Variants in RNF213 observed in about 807,000 individuals in gnomAD.
RNF213 encodes the protein ring finger protein 213.
Under a neutral mutation model 514.4 loss-of-function variants are expected in RNF213, and 341 were observed. The observed-to-expected ratio is 0.66, with a 90% CI of 0.61 to 0.73. The LOEUF is 0.73. Among genes scored for constraint, RNF213 ranks in the 30% least tolerant of loss-of-function variants. The pLI, the probability that RNF213 is intolerant of heterozygous loss-of-function variation, is 0.00. For synonymous variants in RNF213, 2,655 were observed against 2,658.2 expected, an observed-to-expected ratio of 1.00 and a Z score of 0.04; for missense variants, 5,767 against 6,615.6, an observed-to-expected ratio of 0.87 and a Z score of 4.45.
intron 36 of RNF213, 116 bp downstream of exon 36, chr17:80,354,692 C>A (rs59640970): frequency 1.5e-6 from 2 of 1,319,234 alleles, no homozygotes; most frequent in Non-Finnish European, 2.1e-6. Context: ...CTTTCCAAAC[C>A]TCTCAGCCAT....
chr17:80,319,201 C>T lies in RNF213; in HGVS notation c.2913C>T (p.Leu971=). The change falls in exon 17 of 68, where the codon CTC becomes CTT. Residue 971 remains leucine, a synonymous_variant. Transcript: ENST00000582970. ...TTTGATTTTTGCAGGAGGAACCCCT[C>T]TCCCAGATCACTGCCTACTGCAATA... is the stretch of plus-strand genomic sequence containing the variant. The part of the protein sequence containing the change: ...MEWRLTKEEP[L]SQITAYCNSC... 1 of 1,614,228 alleles carries T rather than the reference C, an allele frequency of 6.2e-7. No homozygotes were observed. The highest frequency in any genetic ancestry group is 8.5e-7 in the Non-Finnish European group (1 of 1,180,048).
chr17:80,391,271 G>A (rs572948124), intron 67 of RNF213, among the ~76,000 whole-genome samples: 16 of 151,990 alleles, frequency 1.1e-4, no homozygotes, highest in African/African-American at 3.6e-4. Flanking sequence ...CCTCTGAATT[G>A]CCTTTATGTT....
Position 80,394,697 on chromosome 17 carries a change from T to TC in RNF213, c.*1201dup, listed in dbSNP as rs2080611046. On this transcript the variant is annotated 3_prime_UTR_variant, in exon 68 of 68. Transcript: ENST00000582970. ...GAACTACAAAAATACAAAATGCTTG[T>TC]CCAGGACTCAGCCATGCACACCTTG... is the stretch of plus-strand genomic sequence containing the variant. 1 of 152,176 alleles carries TC rather than the reference T, an allele frequency of 6.6e-6. No individual in the cohort carries two copies. The highest frequency in any genetic ancestry group is 1.5e-5 in the Non-Finnish European group (1 of 68,050). 9.4% of individuals were successfully genotyped at this position (152,176 alleles called of 1,614,324 possible).
Position 80,328,374 on chromosome 17 carries a change from A to G in RNF213, c.3414A>G (p.Glu1138=). ...SPQDEQCAVE[E]ALDWRREELL... ...AGGATGAACAATGTGCTGTGGAGGA[A>G]GCACTGGATTGGAGAAGGGAGGAAC... The change falls in exon 20 of 68, where the codon GAA becomes GAG. Residue 1138 remains glutamate (E), a synonymous_variant. Coordinates refer to ENST00000582970, the MANE Select transcript of RNF213 (RefSeq NM_001256071.3). The G allele has an allele frequency of 6.5e-7, 1 of 1,537,246 alleles. No homozygotes were observed. Among genetic ancestry groups the G allele is most frequent in the Non-Finnish European group, 8.7e-7 (1 of 1,146,892 alleles).
rs2079000072 is a variant in RNF213 at position 80,360,103 on chromosome 17, G to C, written c.11097G>C (p.Met3699Ile). ...CCTACATCGTGGTGCAGAACCACATGAACCTTTCCGAGAACGCTTCCAACA... is the reference window on the plus strand; with the variant it reads ...CCTACATCGTGGTGCAGAACCACATCAACCTTTCCGAGAACGCTTCCAACA... Reference protein sequence around the residue: ...EMAYIVVQNHMNLSENASNNV... With the variant: ...EMAYIVVQNHINLSENASNNV... The change falls in exon 38 of 68, where the codon ATG becomes ATC. Residue 3699 changes from methionine (M) to isoleucine (I), a missense_variant. By Grantham distance (10) the Met-to-Ile change is conservative. This residue lies in a region of RNF213 where 919 missense variants were observed against 1,121.0 expected (regional missense o/e 0.82). Transcript: ENST00000582970. The C allele has an allele frequency of 6.2e-7, 1 of 1,614,054 alleles. No individual in the cohort carries two copies. The highest frequency in any genetic ancestry group is 1.3e-5 in the African/African-American group (1 of 74,922).
intron 3 of RNF213, among the ~76,000 whole-genome samples, chr17:80,286,673 G>A (rs539692356): frequency 7.4e-4 from 112 of 152,240 alleles, no homozygotes; most frequent in South Asian, 2.3e-3. Flanking sequence ...CCAGGTATGT[G>A]GGTGCAGGAG....
rs779093631 is a variant in RNF213 at position 80,349,905 on chromosome 17, C to T, written c.10087C>T (p.Arg3363Ter). 13 of 1,613,194 alleles carry T rather than the reference C, an allele frequency of 8.1e-6. No homozygotes were observed. The highest frequency in any genetic ancestry group is 4.4e-5 in the South Asian group (4 of 91,036). The change falls in exon 30 of 68, where the codon CGA becomes TGA. Residue 3363 changes from arginine (R) to a stop codon, truncating the protein, a stop_gained and splice_region_variant. Transcript: ENST00000582970. LOFTEE classifies it high-confidence loss of function. ...DTEYSFLKEV[R>*]NCLTNTAKCK... The stretch of plus-strand genomic sequence containing the variant: ...CGAGTACTCATTCCTCAAAGAAGTC[C>T]GGTGAGGTTCCCTGCCTTCCCTGCT...
rs2143929738 is a variant in RNF213, at chr17:80,327,988, G to A, written c.3366G>A (p.Leu1122=). 4 of 1,537,274 alleles carry A rather than the reference G, an allele frequency of 2.6e-6. No individual in the cohort carries two copies. The highest frequency in any genetic ancestry group is 3.5e-6 in the Non-Finnish European group (4 of 1,146,904). Reference sequence around the variant, plus strand: ...ATCAGTTTCTTGACATCTGGCAACTGAGTAAGCATCGAGTCGATACGCACT... The same window carrying A: ...ATCAGTTTCTTGACATCTGGCAACTAAGTAAGCATCGAGTCGATACGCACT... ...HKNQFLDIWQ[L]REKSLSPQDE... Residue 1122 remains leucine (L), a splice_region_variant and synonymous_variant, in exon 19 of 68, where the codon CTG becomes CTA. Transcript: ENST00000582970.
chr17:80,291,262 ATTT>A (rs57271953), intron 7 of RNF213, among the ~76,000 whole-genome samples: 1 of 137,376 alleles, frequency 7.3e-6, no homozygotes, highest in Non-Finnish European at 1.6e-5. Flanking sequence ...CTTTCTTATA[ATTT>A]TTTTTTTTTT....
intron 16 of RNF213, among the ~76,000 whole-genome samples, chr17:80,318,193 G>A (rs2046011539): frequency 6.6e-6 from 1 of 152,178 alleles, no homozygotes; most frequent in African/African-American, 2.4e-5. Context: ...GGGGCAGGGT[G>A]GGCCCTAGGT....
chr17:80,331,409 T>C (rs937973530), intron 20 of RNF213, among the ~76,000 whole-genome samples: 1 of 138,952 alleles, frequency 7.2e-6, no homozygotes, highest in South Asian at 2.3e-4. Context: ...TTTTTTTTGA[T>C]ATGGAGTCTC....
intron 62 of RNF213, 74 bp downstream of exon 62, chr17:80,386,504 C>A (rs1173033318): frequency 1.3e-6 from 2 of 1,533,292 alleles, no homozygotes. Flanking sequence ...CAGACACAAG[C>A]AAGCTTCAGC....
At chr17:80,378,258 A>G (rs1326642013) in intron 54 of RNF213, among the ~76,000 whole-genome samples, 1 of 152,206 alleles carries the variant, frequency 6.6e-6, no homozygotes, top group East Asian at 1.9e-4. Flanking sequence ...CACAGGCTGC[A>G]TTATTAGCCC....
At chr17:80,385,282 C>T (rs1299215097) in intron 60 of RNF213, 111 bp downstream of exon 60, 3 of 1,332,458 alleles carry the variant, frequency 2.3e-6, no homozygotes, top group Admixed American at 1.8e-5. Context: ...GATGGGTGCT[C>T]TATAGCCTAA....
At position 80,345,550 on chromosome 17, in the gene RNF213, C is replaced by G. The variant is rs1341167454; in HGVS notation, c.7215C>G (p.Ala2405=). 1 of 1,613,290 alleles carries G rather than the reference C, an allele frequency of 6.2e-7. No homozygotes were observed. Among genetic ancestry groups the G allele is most frequent in the East Asian group, 2.2e-5 (1 of 44,874 alleles). Residue 2405 remains alanine, a synonymous_variant, in exon 29 of 68, where the codon GCC becomes GCG. Transcript: ENST00000582970. The surrounding 1 kb of genome is among the most constrained non-coding windows in gnomAD (Gnocchi z 6.0). ...LTTDNMLKIL[A]IEMRFRCGIP... The stretch of plus-strand genomic sequence containing the variant: ...CCGACAATATGCTTAAAATCCTTGC[C>G]ATCGAGATGCGGTTCCGGTGTGGGA...
Position 80,354,183 on chromosome 17 carries a change from C to T in RNF213, c.10726+17C>T, listed in dbSNP as rs751436637. On this transcript the variant is annotated intron_variant, in intron 35 of 67. Transcript: ENST00000582970. Reference sequence around the variant, plus strand: ...CGTGCCACGGTATGAGCCTCCCCACCCCTCTTGCCCCTGCCCCCACGTGGG... The same window carrying T: ...CGTGCCACGGTATGAGCCTCCCCACTCCTCTTGCCCCTGCCCCCACGTGGG... 3 of 1,611,978 alleles carry T rather than the reference C, an allele frequency of 1.9e-6. No individual in the cohort carries two copies. The highest frequency in any genetic ancestry group is 2.5e-6 in the Non-Finnish European group (3 of 1,179,736).
At chr17:80,363,039 A>G in intron 39 of RNF213, 63 bp from the exon 40 acceptor site, 1 of 1,433,664 alleles carries the variant, frequency 7.0e-7, no homozygotes, top group Non-Finnish European at 9.7e-7. Context: ...CGGATTTCCC[A>G]CGGGGAAAAC....
At position 80,273,383 on chromosome 17, in the gene RNF213, A is replaced by G; in HGVS notation, c.240A>G (p.Lys80=). Residue 80 remains lysine, a synonymous_variant, in exon 3 of 68, where the codon AAA becomes AAG. Coordinates refer to ENST00000582970, the MANE Select transcript of RNF213 (RefSeq NM_001256071.3). ...WQENPEEPCS[K]ASWTVQESKK... is the part of the protein sequence containing the mutation. ...AAAACCCCGAGGAGCCCTGTTCCAA[A>G]GCCTCCTGGACCGTCCAAGAAGTGA... is the stretch of plus-strand genomic sequence containing the variant. The G allele has an allele frequency of 6.2e-7, 1 of 1,612,936 alleles. No homozygotes were observed. Among genetic ancestry groups the G allele is most frequent in the Non-Finnish European group, 8.5e-7 (1 of 1,179,944 alleles).
At position 80,381,638 on chromosome 17, in the gene RNF213, T is replaced by C; in HGVS notation, c.13889T>C (p.Met4630Thr). The change falls in exon 57 of 68, where the codon ATG becomes ACG. Residue 4630 changes from methionine (M) to threonine (T), a missense_variant. Transcript: ENST00000582970. ...ILKDLEQLAKMLGHSADETIG... is the reference protein window; with the variant it reads ...ILKDLEQLAKTLGHSADETIG... ...AAGGACCTGGAGCAGTTGGCCAAGA[T>C]GCTGGGACACAGTGCCGACGAGACC... 1 of 1,614,248 alleles carries C rather than the reference T, an allele frequency of 6.2e-7. No individual in the cohort carries two copies. The highest frequency in any genetic ancestry group is 1.1e-5 in the South Asian group (1 of 91,082).
Sources: allele counts gnomAD v4.1 joint callset (sites outside exome capture counted in the v4.1 genomes callset), GRCh38; gene constraint gnomAD v4.1.1; regional missense constraint gnomAD v4.1.1; non-coding constraint Gnocchi (gnomAD v3.1); transcripts MANE v1.5; gene names NCBI Gene and HGNC (gene_info 2026-07-23, HGNC 2026-07-21).